PARD3: variants seen among roughly 807,000 people sequenced by gnomAD.
The protein encoded by PARD3 is par-3 family cell polarity regulator, also known as partitioning defective 3 homolog.
PARD3 carries 75 observed loss-of-function variants against 155.4 expected under a neutral mutation model. That is an observed-to-expected ratio of 0.48 (90% confidence interval 0.40 to 0.58). PARD3 has a LOEUF of 0.58. PARD3 is among the 20% of genes least tolerant of loss of function. The pLI is 0.00. For synonymous variants in PARD3, 576 were observed against 610.5 expected, an observed-to-expected ratio of 0.94 and a Z score of 0.83; for missense variants, 1,642 against 1,721.7, an observed-to-expected ratio of 0.95 and a Z score of 0.82.
In PARD3 at chr10:34,814,999, G is replaced by A. The variant is rs1466620511; in HGVS notation, c.-4C>T. 7 of 1,476,408 alleles carry A rather than the reference G, an allele frequency of 4.7e-6. No individual in the cohort carries two copies. The highest frequency in any genetic ancestry group is 2.3e-5 in the Admixed American group (1 of 43,912). The allele number at this position is 1,476,408 out of a possible 1,614,324, so 91.5% of individuals were successfully genotyped here. A position where few individuals can be genotyped will look rare whatever the true frequency, so the allele number is the denominator to read the frequency against. On this transcript the variant is annotated 5_prime_UTR_variant, in exon 1 of 25. Transcript: ENST00000374788. The stretch of plus-strand genomic sequence containing the variant: ...CGAAGCACACGGTCACTTTCATGCC[G>A]CCGCCGCCGCGGGCGGGCCCGCGCC...
At chr10:34,513,566 C>G (rs2081531190) in intron 3 of PARD3, among the ~76,000 whole-genome samples, 1 of 152,196 alleles carries the variant, frequency 6.6e-6, no homozygotes, top group Admixed American at 6.5e-5. Flanking sequence ...CAGGTGTGAG[C>G]CACCGCACCC....
Position 34,626,758 on chromosome 10 carries a change from C to T in PARD3, c.222+69560G>A, listed in dbSNP as rs528504537. Among the ~76,000 whole-genome samples the T allele has an allele frequency of 7.2e-5, 11 of 152,310 alleles. No individual in the cohort carries two copies. In the South Asian group the frequency reaches 1.9e-3, roughly 26 times the overall value. On this transcript the variant is annotated intron_variant, in intron 2 of 24. Transcript: ENST00000374788. ...CTCAAATCTAACACAGTTGCACATACTATAATTTCAGGGCAAGCTTTCAAA... is the reference window on the plus strand; with the variant it reads ...CTCAAATCTAACACAGTTGCACATATTATAATTTCAGGGCAAGCTTTCAAA...
intron 3 of PARD3, among the ~76,000 whole-genome samples, chr10:34,471,623 C>T (rs948578527): frequency 8.5e-5 from 13 of 152,304 alleles, no homozygotes; most frequent in East Asian, 7.7e-4. Flanking sequence ...GGCACAATCT[C>T]GGCTCACAGC....
chr10:34,373,074 A>G (rs1840858451), intron 11 of PARD3, among the ~76,000 whole-genome samples: 4 of 152,158 alleles, frequency 2.6e-5, no homozygotes. Context: ...CCGATTGATA[A>G]AAGTATTTAG....
intron 2 of PARD3, among the ~76,000 whole-genome samples, chr10:34,605,000 G>C (rs1164650057): frequency 1.3e-5 from 2 of 151,680 alleles, no homozygotes; most frequent in Non-Finnish European, 2.9e-5. Flanking sequence ...ATTAAAAATT[G>C]TAGATTCACT....
At chr10:34,560,055 T>C (rs1003878099) in intron 2 of PARD3, among the ~76,000 whole-genome samples, 1 of 152,190 alleles carries the variant, frequency 6.6e-6, no homozygotes, top group Non-Finnish European at 1.5e-5. Flanking sequence ...TAAAAACCAA[T>C]AAATCTTATT....
intron 1 of PARD3, among the ~76,000 whole-genome samples, chr10:34,727,276 C>T (rs901357676): frequency 1.3e-5 from 2 of 152,204 alleles, no homozygotes; most frequent in Admixed American, 6.5e-5. Flanking sequence ...CTGCCACTGG[C>T]GGCATACAAG....
At chr10:34,423,560 G>C (rs1381840232) in intron 5 of PARD3, among the ~76,000 whole-genome samples, 1 of 151,952 alleles carries the variant, frequency 6.6e-6, no homozygotes, top group Admixed American at 6.6e-5. Context: ...TTCAAATCAA[G>C]TCGTGCACAA....
chr10:34,452,627 C>T (rs1469878054), intron 4 of PARD3, among the ~76,000 whole-genome samples: 4 of 152,066 alleles, frequency 2.6e-5, no homozygotes, highest in Non-Finnish European at 4.4e-5. Flanking sequence ...TTCCTCTTCC[C>T]GTAAATGGTC....
chr10:34,574,857 A>G (rs188570772), intron 2 of PARD3, among the ~76,000 whole-genome samples: 33 of 152,366 alleles, frequency 2.2e-4, no homozygotes, highest in Admixed American at 2.0e-3. Context: ...TAAGTTCCTA[A>G]GCAGCCATGC....
intron 1 of PARD3, among the ~76,000 whole-genome samples, chr10:34,790,946 A>ACGCATGCACAGGGAT (rs1564622927): frequency 1.3e-5 from 2 of 152,106 alleles, no homozygotes; most frequent in Non-Finnish European, 2.9e-5. Context: ...TGCACAGGGA[A>ACGCATGCACAGGGAT]GCGCATGCGT....
chr10:34,563,325 A>G (rs569418148), intron 2 of PARD3, among the ~76,000 whole-genome samples: 50 of 152,296 alleles, frequency 3.3e-4, no homozygotes, highest in African/African-American at 1.2e-3. Flanking sequence ...ATATCACTGC[A>G]TAAGAGCTAA....
chr10:34,689,104 T>G (rs1227512390), intron 2 of PARD3, among the ~76,000 whole-genome samples: 3 of 152,208 alleles, frequency 2.0e-5, no homozygotes, highest in Non-Finnish European at 4.4e-5. Flanking sequence ...AACAGGACAT[T>G]ATTTTAGATA....
intron 20 of PARD3, among the ~76,000 whole-genome samples, chr10:34,296,502 T>G (rs1189957213): frequency 2.0e-5 from 3 of 152,206 alleles, no homozygotes; most frequent in African/African-American, 7.2e-5. Context: ...GTGCTTGGAT[T>G]AAAAGCATGA....
chr10:34,191,632 C>G (rs1950710893), intron 22 of PARD3, among the ~76,000 whole-genome samples: 1 of 133,050 alleles, frequency 7.5e-6, no homozygotes, highest in Admixed American at 8.7e-5. Context: ...TTGGTCTGTG[C>G]TTCAGCCTTG....
chr10:34,247,908 C>G (rs1954061939), intron 22 of PARD3, among the ~76,000 whole-genome samples: 1 of 152,138 alleles, frequency 6.6e-6, no homozygotes, highest in African/African-American at 2.4e-5. Flanking sequence ...TTTTTACGTT[C>G]AAGTATTACA....
intron 14 of PARD3, among the ~76,000 whole-genome samples, chr10:34,349,241 T>C (rs2134379867): frequency 6.6e-6 from 1 of 152,312 alleles, no homozygotes; most frequent in South Asian, 2.1e-4. Flanking sequence ...ATCTGTTTAA[T>C]ATAAATGAGA....
At position 34,253,905 on chromosome 10, in the gene PARD3, T is replaced by C. The variant is rs1954479989; in HGVS notation, c.3419+15752A>G. On this transcript the variant is annotated intron_variant, in intron 22 of 24. Coordinates refer to ENST00000374788, the MANE Select transcript of PARD3 (RefSeq NM_001184785.2). The stretch of plus-strand genomic sequence containing the variant: ...GTGGACACACAGAAGCAGAGTGTGG[T>C]ATGACGGGCAGCAGAGACTTGGAAG... Among the ~76,000 whole-genome samples, 4 of 152,044 alleles carry C rather than the reference T, an allele frequency of 2.6e-5. No homozygotes were observed. In the South Asian group the frequency reaches 8.3e-4, roughly 32 times the overall value.
rs375967406 is a variant in PARD3 at position 34,119,453 on chromosome 10, A to C, written c.3668+160T>G. 1.1e-4 allele frequency among the ~76,000 whole-genome samples: 16 copies of C among 151,870 alleles called. No homozygotes were observed. The East Asian group carries it at 2.5e-3, about 24-fold the overall frequency. On this transcript the variant is annotated intron_variant, in intron 24 of 24. Coordinates refer to ENST00000374788, the MANE Select transcript of PARD3 (RefSeq NM_001184785.2). ...TGGCCTCGCAGTACGACAGCCCCCC[A>C]CGCTAAGGAACAGTAGCCACGGGAC...
Sources: allele counts gnomAD v4.1 joint callset (sites outside exome capture counted in the v4.1 genomes callset), GRCh38; gene constraint gnomAD v4.1.1; transcripts MANE v1.5; gene names NCBI Gene and HGNC (gene_info 2026-07-23, HGNC 2026-07-21).